Variants in PRUNE2 observed in about 807,000 individuals in gnomAD.
PRUNE2 encodes prune homolog 2 with BCH domain.
In PRUNE2, 164 loss-of-function variants were observed where a neutral mutation model predicts 252.0. The observed-to-expected ratio is 0.65, with a 90% CI of 0.57 to 0.74. PRUNE2 has a LOEUF of 0.74. Among genes scored for constraint, PRUNE2 ranks in the 30% least tolerant of loss-of-function variants. The pLI is 0.00. For synonymous variants in PRUNE2, 1,292 were observed against 1,350.2 expected (o/e 0.96, Z 0.94); for missense variants, 3,495 against 3,711.0 (o/e 0.94, Z 1.51).
intron 12 of PRUNE2, chr9:76,642,006 AAAAAAAAAAAAG>A: frequency 7.3e-7 from 1 of 1,371,860 alleles, no homozygotes; most frequent in Non-Finnish European, 9.8e-7. Context: ...AGAAGTAAAA[AAAAAAAAAAAAG>A]AAAAGAAAAA....
intron 6 of PRUNE2, among the ~76,000 whole-genome samples, chr9:76,718,308 T>C (rs1029733802): frequency 2.0e-5 from 3 of 152,194 alleles, no homozygotes; most frequent in Admixed American, 6.5e-5. Flanking sequence ...GTAGATATCC[T>C]TGAGAGACAG....
chr9:76,866,678 AAAGG>A (rs765657924), intron 1 of PRUNE2, among the ~76,000 whole-genome samples: 8 of 152,008 alleles, frequency 5.3e-5, no homozygotes, highest in Admixed American at 1.3e-4. Context: ...TAAGTACAAA[AAAGG>A]AAGGAAGGAA....
At chr9:76,818,936 T>C (rs1037901326) in intron 6 of PRUNE2, among the ~76,000 whole-genome samples, 2 of 152,118 alleles carry the variant, frequency 1.3e-5, no homozygotes, top group African/African-American at 2.4e-5. Flanking sequence ...TATTTGGAAA[T>C]AGGGTTGTTG....
At chr9:76,817,545 C>T (rs566565589) in intron 6 of PRUNE2, among the ~76,000 whole-genome samples, 31 of 152,122 alleles carry the variant, frequency 2.0e-4, no homozygotes, top group Non-Finnish European at 3.5e-4. Context: ...TAAAAAACTC[C>T]ACCCTTGGCC....
At chr9:76,838,971 T>G (rs1254561318) in intron 4 of PRUNE2, among the ~76,000 whole-genome samples, 2 of 152,194 alleles carry the variant, frequency 1.3e-5, no homozygotes, top group African/African-American at 4.8e-5. Context: ...ATACATTTAT[T>G]TATTTACTTA....
intron 1 of PRUNE2, among the ~76,000 whole-genome samples, chr9:76,877,811 T>C (rs186615398): frequency 6.6e-6 from 1 of 152,334 alleles, no homozygotes; most frequent in East Asian, 1.9e-4. Context: ...CCTTTTATAA[T>C]ATCACTTCCA....
At chr9:76,795,204 T>G (rs11145071) in intron 6 of PRUNE2, among the ~76,000 whole-genome samples, 20,710 of 152,022 alleles carry the variant, frequency 0.14, 2,857 homozygotes, top group African/African-American at 0.35. Context: ...CTCAGTATCA[T>G]ACCCTATCAG....
chr9:76,841,073 AG>A (rs1460991474), intron 4 of PRUNE2, among the ~76,000 whole-genome samples: 3 of 152,080 alleles, frequency 2.0e-5, no homozygotes, highest in African/African-American at 7.2e-5. Flanking sequence ...TCAATGCAGA[AG>A]GGGGGTGATG....
At chr9:76,669,361 C>T (rs1326624287) in intron 9 of PRUNE2, among the ~76,000 whole-genome samples, 2 of 152,000 alleles carry the variant, frequency 1.3e-5, no homozygotes, top group Non-Finnish European at 2.9e-5. Context: ...CTCTTGTCAC[C>T]CAGGCTGGAG....
At chr9:76,871,116 C>T (rs1023137735) in intron 1 of PRUNE2, among the ~76,000 whole-genome samples, 1 of 152,186 alleles carries the variant, frequency 6.6e-6, no homozygotes, top group Non-Finnish European at 1.5e-5. Context: ...ATCACCAAAG[C>T]CTGTGCATTT....
In PRUNE2 at chr9:76,612,804, A is replaced by T. The variant is rs755663438; in HGVS notation, c.*1766T>A. 2 of 152,252 alleles carry T rather than the reference A, an allele frequency of 1.3e-5. No homozygotes were observed. Among genetic ancestry groups the T allele is most frequent in the Non-Finnish European group, 2.9e-5 (2 of 68,084 alleles). 9.4% of individuals were successfully genotyped at this position (152,252 alleles called of 1,614,324 possible). A position where few individuals can be genotyped will look rare whatever the true frequency, so the allele number is the denominator to read the frequency against. On this transcript the variant is annotated 3_prime_UTR_variant, in exon 19 of 19. Transcript: ENST00000376718. ...AGAGGTGAAGCAATGAGGTCAGAGA[A>T]ACTCAATCACCTGTGCAAAGATGTC...
rs2046227394 is a variant in PRUNE2 at position 76,705,223 on chromosome 9, C to T, written c.7051G>A (p.Asp2351Asn). The stretch of plus-strand genomic sequence containing the variant: ...TGGCCCATTACATCATATTCAAAAT[C>T]ACCCCACGAGGCTTCAGATGAGCAG... Reference protein sequence around the residue: ...DICSSEASWGDFEYDVMGQNI... With the variant: ...DICSSEASWGNFEYDVMGQNI... Residue 2351 changes from aspartate (D) to asparagine (N), a missense_variant, in exon 8 of 19, where the codon GAT (aspartate) becomes AAT (asparagine). By Grantham distance (23) the Asp-to-Asn change is conservative. Transcript: ENST00000376718. 3 of 1,613,908 alleles carry T rather than the reference C, an allele frequency of 1.9e-6. No individual in the cohort carries two copies. The highest frequency in any genetic ancestry group is 2.5e-6 in the Non-Finnish European group (3 of 1,179,906).
intron 6 of PRUNE2, among the ~76,000 whole-genome samples, chr9:76,813,865 G>A (rs1220667975): frequency 2.0e-5 from 3 of 152,110 alleles, no homozygotes; most frequent in Non-Finnish European, 4.4e-5. Flanking sequence ...CACCCAGGCT[G>A]GAGTGCAATG....
At chr9:76,767,042 C>T (rs1387160790) in intron 6 of PRUNE2, among the ~76,000 whole-genome samples, 1 of 152,168 alleles carries the variant, frequency 6.6e-6, no homozygotes, top group African/African-American at 2.4e-5. Flanking sequence ...TTATTCACTG[C>T]TGTATTCTGG....
At chr9:76,788,656 C>G (rs570580404) in intron 6 of PRUNE2, 1 of 603,276 alleles carries the variant, frequency 1.7e-6, no homozygotes, top group Admixed American at 2.8e-5. Flanking sequence ...ATTATCATCA[C>G]TATTCCAATT....
At chr9:76,670,992 G>A (rs982682796) in intron 9 of PRUNE2, among the ~76,000 whole-genome samples, 1 of 152,212 alleles carries the variant, frequency 6.6e-6, no homozygotes, top group African/African-American at 2.4e-5. Flanking sequence ...AAAAAGCAGA[G>A]CGCCTCTCCT....
At chr9:76,872,220 C>A (rs139790910) in intron 1 of PRUNE2, among the ~76,000 whole-genome samples, 348 of 152,296 alleles carry the variant, frequency 2.3e-3, no homozygotes, top group Non-Finnish European at 2.9e-3. Context: ...CCCTCCCCAC[C>A]GCATCCCCTC....
chr9:76,787,827 G>A (rs552500591), intron 6 of PRUNE2, among the ~76,000 whole-genome samples: 23 of 152,220 alleles, frequency 1.5e-4, no homozygotes, highest in African/African-American at 5.3e-4. Flanking sequence ...AGAAAGCCCC[G>A]TCTAGTTGCA....
rs553124759 is a variant in PRUNE2, at chr9:76,766,468, A to G, written c.757-52747T>C. 2.6e-3 allele frequency among the ~76,000 whole-genome samples: 401 copies of G among 152,244 alleles called. 1 individual carries two copies. The highest frequency in any genetic ancestry group is 9.4e-3 in the African/African-American group (390 of 41,536). Reference sequence around the variant, plus strand: ...CTCTCCCTTATTTAAAATAAAACACATATTAGATTCTGCATCTGAACCAAC... The same window carrying G: ...CTCTCCCTTATTTAAAATAAAACACGTATTAGATTCTGCATCTGAACCAAC... On this transcript the variant is annotated intron_variant, in intron 6 of 18. Transcript: ENST00000376718.
Sources: allele counts gnomAD v4.1 joint callset (sites outside exome capture counted in the v4.1 genomes callset), GRCh38; gene constraint gnomAD v4.1.1; transcripts MANE v1.5; gene names NCBI Gene and HGNC (gene_info 2026-07-23, HGNC 2026-07-21).